Variants in ABLIM1 observed in about 807,000 individuals in gnomAD.
The protein encoded by ABLIM1 is actin-binding LIM protein 1.
Under a neutral mutation model 107.0 loss-of-function variants are expected in ABLIM1, and 40 were observed. That is an observed-to-expected ratio of 0.37 (90% CI 0.29 to 0.49). ABLIM1 has a LOEUF of 0.49. ABLIM1 is among the 20% of genes least tolerant of loss of function. The pLI, the probability that ABLIM1 is intolerant of heterozygous loss-of-function variation, is 0.97. For missense variants in ABLIM1, 857 were observed against 1,008.5 expected (o/e 0.85, Z 2.04); for synonymous variants, 357 against 357.3 (o/e 1.00, Z 0.01).
At chr10:114,732,020 C>T (rs2082083510) in intron 1 of ABLIM1, among the ~76,000 whole-genome samples, 1 of 152,154 alleles carries the variant, frequency 6.6e-6, no homozygotes, top group South Asian at 2.1e-4. Context: ...TCTAAAGTGG[C>T]ACACTATTTT....
intron 1 of ABLIM1, among the ~76,000 whole-genome samples, chr10:114,655,368 G>T (rs2079451835): frequency 6.6e-6 from 1 of 152,176 alleles, no homozygotes; most frequent in South Asian, 2.1e-4. Context: ...TCATTATCCA[G>T]CATGCTTTCA....
At chr10:114,654,813 C>T (rs1199221176) in intron 1 of ABLIM1, among the ~76,000 whole-genome samples, 1 of 152,208 alleles carries the variant, frequency 6.6e-6, no homozygotes, top group Non-Finnish European at 1.5e-5. Flanking sequence ...CTCTCCCATA[C>T]TGTGCAAGGG....
At position 114,675,128 on chromosome 10, in the gene ABLIM1, A is replaced by G. The variant is rs79201631; in HGVS notation, c.64+9162T>C. Among the ~76,000 whole-genome samples the G allele has an allele frequency of 2.4e-3, 371 of 152,116 alleles. 3 individuals are homozygous for G. The highest frequency in any genetic ancestry group is 8.5e-3 in the African/African-American group (354 of 41,486). ...ATGTTCCCTATGTTCCATTCACCCT[A>G]TGTCGCCAAGTATCCACAATCATTG... On this transcript the variant is annotated intron_variant, in intron 1 of 23. Transcript: ENST00000369256.
chr10:114,613,693 T>A, intron 1 of ABLIM1: 2 of 1,324,272 alleles, frequency 1.5e-6, no homozygotes, highest in Non-Finnish European at 2.0e-6. Context: ...CACTGGGAGA[T>A]GAAAGCATGA....
intron 12 of ABLIM1, among the ~76,000 whole-genome samples, chr10:114,462,883 C>T (rs969703697): frequency 6.6e-6 from 1 of 152,080 alleles, no homozygotes; most frequent in Non-Finnish European, 1.5e-5. Context: ...AGATGCTATG[C>T]CCGTTCTAAG....
chr10:114,724,380 C>A (rs1281544791), intron 1 of ABLIM1, among the ~76,000 whole-genome samples: 6 of 152,110 alleles, frequency 3.9e-5, no homozygotes, highest in African/African-American at 1.4e-4. Context: ...TGAGAGCTAT[C>A]CTCACTGTCA....
Position 114,451,652 on chromosome 10 carries a change from G to A in ABLIM1, c.1566C>T (p.Tyr522=), listed in dbSNP as rs1301178896. The change falls in exon 14 of 23, where the codon TAC becomes TAT. Residue 522 remains tyrosine (Y), a synonymous_variant. Coordinates refer to ENST00000533213, the MANE Select transcript of ABLIM1 (RefSeq NM_002313.7). ...FHVPDQGINI[Y]RKPPIYKQHA... Reference sequence around the variant, plus strand: ...GCTGTTTGTAGATGGGTGGCTTTCGGTAAATGTTGATTCCTTGATCTGTGG... The same window carrying A: ...GCTGTTTGTAGATGGGTGGCTTTCGATAAATGTTGATTCCTTGATCTGTGG... 2.5e-6 allele frequency: 4 copies of A among 1,613,180 alleles called. No individual in the cohort carries two copies. In the South Asian group the frequency reaches 3.3e-5, roughly 13 times the overall value.
intron 1 of ABLIM1, among the ~76,000 whole-genome samples, chr10:114,703,187 A>G (rs1339671620): frequency 6.6e-6 from 1 of 152,238 alleles, no homozygotes; most frequent in African/African-American, 2.4e-5. Flanking sequence ...GAAACTGTCT[A>G]TGTTCCTTCA....
intron 1 of ABLIM1, among the ~76,000 whole-genome samples, chr10:114,763,670 C>G (rs2082807479): frequency 6.6e-6 from 1 of 152,140 alleles, no homozygotes; most frequent in Non-Finnish European, 1.5e-5. Flanking sequence ...AGGCATGAGC[C>G]ACTGCACCCA....
chr10:114,550,176 G>A (rs1421330256), intron 4 of ABLIM1, among the ~76,000 whole-genome samples: 1 of 152,036 alleles, frequency 6.6e-6, no homozygotes, highest in Non-Finnish European at 1.5e-5. Context: ...GCATATGAGT[G>A]TATATTAGAT....
the ABLIM1 span, among the ~76,000 whole-genome samples, chr10:114,794,658 CA>C: frequency 2.0e-5 from 3 of 152,136 alleles, no homozygotes; most frequent in South Asian, 6.2e-4. Flanking sequence ...ATTCAAACTA[CA>C]TACTAATCAC....
At chr10:114,656,030 G>C (rs1380918407) in intron 1 of ABLIM1, among the ~76,000 whole-genome samples, 6 of 152,138 alleles carry the variant, frequency 3.9e-5, no homozygotes, top group African/African-American at 1.4e-4. Context: ...CACCACTTTG[G>C]GAGGTGGAGG....
At chr10:114,666,486 C>G (rs2080029165) in intron 1 of ABLIM1, among the ~76,000 whole-genome samples, 1 of 152,062 alleles carries the variant, frequency 6.6e-6, no homozygotes, top group Non-Finnish European at 1.5e-5. Flanking sequence ...TAAATTTTTA[C>G]TCGACGATAG....
chr10:114,613,788 T>C lies in ABLIM1; in HGVS notation c.245-11827A>G, dbSNP rs1385952548. The C allele has an allele frequency of 7.9e-6, 10 of 1,266,500 alleles. No homozygotes were observed. The East Asian group carries it at 5.6e-4, about 71-fold the overall frequency. The allele number at this position is 1,266,500 out of a possible 1,614,324, so 78.5% of individuals were successfully genotyped here. A position where few individuals can be genotyped will look rare whatever the true frequency, so the allele number is the denominator to read the frequency against. On this transcript the variant is annotated intron_variant, in intron 1 of 22. Transcript: ENST00000533213. ...AGAACTACTCTCTAAACACCTAGGCTCCTGACTCCTCCCAGACCTGAACTT... is the reference window on the plus strand; with the variant it reads ...AGAACTACTCTCTAAACACCTAGGCCCCTGACTCCTCCCAGACCTGAACTT...
intron 1 of ABLIM1, chr10:114,632,053 C>T (rs755388253): frequency 5.9e-5 from 73 of 1,239,530 alleles, no homozygotes; most frequent in Non-Finnish European, 7.1e-5. Context: ...TTGTGAGGTC[C>T]GGGGCTGTGG....
At chr10:114,470,520 T>C (rs533787746) in intron 10 of ABLIM1, among the ~76,000 whole-genome samples, 1 of 152,234 alleles carries the variant, frequency 6.6e-6, no homozygotes, top group Non-Finnish European at 1.5e-5. Flanking sequence ...CTTGTAAATT[T>C]CTCTCAGTTG....
intron 1 of ABLIM1, among the ~76,000 whole-genome samples, chr10:114,704,533 C>T (rs2141882633): frequency 6.7e-6 from 1 of 148,402 alleles, no homozygotes; most frequent in Non-Finnish European, 1.5e-5. Flanking sequence ...TCCCAATGCC[C>T]AGTTTCAAGC....
At chr10:114,668,126 C>A (rs976738466) in intron 1 of ABLIM1, among the ~76,000 whole-genome samples, 10 of 151,918 alleles carry the variant, frequency 6.6e-5, no homozygotes, top group Non-Finnish European at 1.0e-4. Context: ...GGGAGGGAAT[C>A]CATTGGAAGA....
chr10:114,513,767 T>C lies in ABLIM1; in HGVS notation c.895-21889A>G, dbSNP rs192832377. 8.5e-5 allele frequency among the ~76,000 whole-genome samples: 13 copies of C among 152,312 alleles called. No individual in the cohort carries two copies. The East Asian group carries it at 2.5e-3, about 29-fold the overall frequency. On this transcript the variant is annotated intron_variant, in intron 6 of 22. Coordinates refer to ENST00000533213, the MANE Select transcript of ABLIM1 (RefSeq NM_002313.7). Reference sequence around the variant, plus strand: ...GCTAGTAGATACAAGCAATCGATTTTTCCATGAAAGGTGTCGATGCCAACA... The same window carrying C: ...GCTAGTAGATACAAGCAATCGATTTCTCCATGAAAGGTGTCGATGCCAACA...
Sources: gnomAD v4.1 joint callset for allele counts (sites outside exome capture counted in the v4.1 genomes callset) on GRCh38, gnomAD v4.1.1 for gene constraint, MANE v1.5 for transcripts, NCBI Gene and HGNC (gene_info 2026-07-23, HGNC 2026-07-21) for gene names.